ZFPM2: variants seen among roughly 807,000 people sequenced by gnomAD.
ZFPM2 encodes zinc finger protein, FOG family member 2.
Under a neutral mutation model 98.6 loss-of-function variants are expected in ZFPM2, and 20 were observed. That is an observed-to-expected ratio of 0.20 (90% CI 0.14 to 0.29). ZFPM2 has a LOEUF of 0.29. Ranked by LOEUF, ZFPM2 falls within the 10% of genes least tolerant of loss-of-function variation. The probability of loss-of-function intolerance (pLI) is 1.00; values close to 1 mark genes in which losing one functional copy is unlikely to be tolerated. For synonymous variants in ZFPM2, 518 were observed against 502.7 expected (o/e 1.03, Z -0.41); for missense variants, 1,310 against 1,388.6 (o/e 0.94, Z 0.90).
At chr8:105,429,111 T>A (rs1291187098) in intron 2 of ZFPM2, among the ~76,000 whole-genome samples, 1 of 152,226 alleles carries the variant, frequency 6.6e-6, no homozygotes, top group Non-Finnish European at 1.5e-5. Context: ...CATACAGATA[T>A]ATCAAACACT....
chr8:105,760,362 T>C (rs569356930), intron 5 of ZFPM2, among the ~76,000 whole-genome samples: 68 of 152,242 alleles, frequency 4.5e-4, no homozygotes, highest in Middle Eastern at 6.8e-3. Context: ...AGCTGCATGG[T>C]GTTTCAGTAG....
At chr8:105,605,182 C>T (rs1334333347) in intron 4 of ZFPM2, among the ~76,000 whole-genome samples, 2 of 151,968 alleles carry the variant, frequency 1.3e-5, no homozygotes, top group African/African-American at 4.8e-5. Flanking sequence ...CAAAAGACAG[C>T]GGAGATAGTA....
intron 3 of ZFPM2, among the ~76,000 whole-genome samples, chr8:105,481,107 A>C (rs1586403614): frequency 6.6e-6 from 1 of 152,142 alleles, no homozygotes; most frequent in East Asian, 1.9e-4. Flanking sequence ...TCAGAGTAAA[A>C]GTGGTTTAGT....
chr8:105,754,057 G>A (rs929990155), intron 5 of ZFPM2, among the ~76,000 whole-genome samples: 1 of 152,094 alleles, frequency 6.6e-6, no homozygotes, highest in Non-Finnish European at 1.5e-5. Flanking sequence ...AATAAATGTA[G>A]CTATCATGGT....
chr8:105,333,815 G>C (rs140865813), intron 1 of ZFPM2, among the ~76,000 whole-genome samples: 1 of 151,558 alleles, frequency 6.6e-6, no homozygotes, highest in East Asian at 1.9e-4. Context: ...AGTATGGCAT[G>C]TACCTATTTG....
chr8:105,445,406 C>G (rs1206486463), intron 3 of ZFPM2, among the ~76,000 whole-genome samples: 2 of 151,724 alleles, frequency 1.3e-5, no homozygotes, highest in Admixed American at 1.3e-4. Context: ...ATTTAAAGTA[C>G]CTTATTACCA....
At chr8:105,583,835 A>ATT (rs1207948673) in intron 4 of ZFPM2, among the ~76,000 whole-genome samples, 7 of 152,200 alleles carry the variant, frequency 4.6e-5, no homozygotes. Context: ...AGTACTCTGA[A>ATT]CTGAACCTGT....
At chr8:105,502,951 T>G (rs12680351) in intron 3 of ZFPM2, among the ~76,000 whole-genome samples, 27,159 of 152,092 alleles carry the variant, frequency 0.18, 2,495 homozygotes, top group East Asian at 0.26. Flanking sequence ...ATGTTTCTGT[T>G]GATGAAGATG....
At chr8:105,645,938 A>G (rs963489284) in intron 5 of ZFPM2, among the ~76,000 whole-genome samples, 10 of 151,936 alleles carry the variant, frequency 6.6e-5, no homozygotes, top group Admixed American at 3.9e-4. Context: ...CTGTAGTCCC[A>G]GCTACTCTGG....
At chr8:105,575,374 G>C (rs570065646) in intron 4 of ZFPM2, among the ~76,000 whole-genome samples, 2 of 152,104 alleles carry the variant, frequency 1.3e-5, no homozygotes, top group Admixed American at 6.6e-5. Flanking sequence ...AGAAGGCTCC[G>C]AGGATGATGC....
In ZFPM2 at chr8:105,359,371, T is replaced by C. The variant is rs553334787; in HGVS notation, c.40+40390T>C. On this transcript the variant is annotated intron_variant, in intron 1 of 7. Transcript: ENST00000407775. ...CTTTTCTTTTTCTTTTTCTTTCTTT[T>C]TTTTTTTTTTTGTTGTTGTTTTGAG... is the stretch of plus-strand genomic sequence containing the variant. Among the ~76,000 whole-genome samples, 44 of 150,666 alleles carry C rather than the reference T, an allele frequency of 2.9e-4. 1 individual carries two copies. The South Asian group carries it at 7.3e-3, about 25-fold the overall frequency.
At chr8:105,675,072 T>G (rs1205008148) in intron 5 of ZFPM2, among the ~76,000 whole-genome samples, 2 of 152,088 alleles carry the variant, frequency 1.3e-5, no homozygotes, top group Non-Finnish European at 2.9e-5. Context: ...AGGTAACTCA[T>G]GGGGTAAAGC....
intron 3 of ZFPM2, among the ~76,000 whole-genome samples, chr8:105,554,693 C>T (rs935157220): frequency 8.5e-5 from 13 of 152,148 alleles, no homozygotes; most frequent in Non-Finnish European, 1.8e-4. Context: ...GATCTTCTGT[C>T]ATCTCATTTA....
chr8:105,492,725 A>T (rs899503281), intron 3 of ZFPM2, among the ~76,000 whole-genome samples: 4 of 152,188 alleles, frequency 2.6e-5, no homozygotes, highest in South Asian at 2.1e-4. Flanking sequence ...AATTCCTGCC[A>T]TATAAATCCT....
chr8:105,637,028 A>G (rs1816859514), intron 5 of ZFPM2, among the ~76,000 whole-genome samples: 1 of 152,126 alleles, frequency 6.6e-6, no homozygotes, highest in African/African-American at 2.4e-5. Context: ...TCAAGCATAC[A>G]TTTGTCCAAC....
intron 1 of ZFPM2, among the ~76,000 whole-genome samples, chr8:105,409,912 A>G (rs1811542354): frequency 6.6e-6 from 1 of 151,870 alleles, no homozygotes; most frequent in South Asian, 2.1e-4. Flanking sequence ...AAACTTGGAG[A>G]ACCCTGTGGG....
intron 5 of ZFPM2, among the ~76,000 whole-genome samples, chr8:105,754,484 A>T (rs984563762): frequency 1.3e-5 from 2 of 152,060 alleles, no homozygotes; most frequent in African/African-American, 4.8e-5. Flanking sequence ...CAGAGATGAA[A>T]AGTTCAAGAT....
intron 3 of ZFPM2, among the ~76,000 whole-genome samples, chr8:105,515,650 T>G (rs1440166661): frequency 9.2e-5 from 14 of 152,268 alleles, no homozygotes; most frequent in African/African-American, 3.4e-4. Context: ...TTTACAGAAG[T>G]AAAAATGGCA....
Position 105,746,148 on chromosome 8 carries a change from T to C in ZFPM2, c.533-42570T>C, listed in dbSNP as rs1214959110. On this transcript the variant is annotated intron_variant, in intron 5 of 7. Coordinates refer to ENST00000407775, the MANE Select transcript of ZFPM2 (RefSeq NM_012082.4). ...AAAACATCCTTTCTCCCCTTTGGAG[T>C]GTCTGGGTAAATAGGTGGTCTGTGG... 2.0e-5 allele frequency among the ~76,000 whole-genome samples: 3 copies of C among 151,038 alleles called. No individual in the cohort carries two copies. In the Admixed American group the frequency reaches 2.0e-4, roughly 10 times the overall value.
Sources: allele counts gnomAD v4.1 joint callset (sites outside exome capture counted in the v4.1 genomes callset), GRCh38; gene constraint gnomAD v4.1.1; transcripts MANE v1.5; gene names NCBI Gene and HGNC (gene_info 2026-07-23, HGNC 2026-07-21).